Variants in BMPR1B observed in about 807,000 individuals in gnomAD.
The protein encoded by BMPR1B is bone morphogenetic protein receptor type-1B.
A neutral mutation model predicts 59.1 loss-of-function variants in BMPR1B; 12 were observed. The ratio of observed to expected loss-of-function variants is 0.20; its 90% confidence interval spans 0.13 to 0.33. The LOEUF (loss-of-function observed/expected upper bound fraction) is 0.33. Among genes scored for constraint, BMPR1B ranks in the 10% least tolerant of loss-of-function variants. The pLI, the probability that BMPR1B is intolerant of heterozygous loss-of-function variation, is 1.00. For missense variants in BMPR1B, 550 were observed against 610.9 expected (o/e 0.90, Z 1.05); for synonymous variants, 237 against 207.3 (o/e 1.14, Z -1.23).
chr4:94,893,831 G>A (rs769962770), intron 2 of BMPR1B, among the ~76,000 whole-genome samples: 8 of 151,964 alleles, frequency 5.3e-5, no homozygotes, highest in Admixed American at 1.3e-4. Context: ...CCACTGCTGC[G>A]TGGCAGTGTT....
At chr4:94,869,831 A>T (rs1157362641) in intron 1 of BMPR1B, among the ~76,000 whole-genome samples, 1 of 152,190 alleles carries the variant, frequency 6.6e-6, no homozygotes, top group Non-Finnish European at 1.5e-5. Context: ...TTTTCTAAAG[A>T]TGCAAAGCTT....
At chr4:94,969,243 G>T (rs556104828) in intron 2 of BMPR1B, among the ~76,000 whole-genome samples, 3 of 152,104 alleles carry the variant, frequency 2.0e-5, no homozygotes, top group African/African-American at 7.2e-5. Flanking sequence ...CACCATTTTG[G>T]CCAGGATGGT....
chr4:95,067,553 A>G (rs771155436), intron 3 of BMPR1B, among the ~76,000 whole-genome samples: 7 of 152,204 alleles, frequency 4.6e-5, no homozygotes, highest in Non-Finnish European at 1.0e-4. Context: ...CTATGAGAAG[A>G]AGTTTGTTGG....
chr4:95,060,737 C>G (rs1354445801), intron 3 of BMPR1B, among the ~76,000 whole-genome samples: 2 of 152,130 alleles, frequency 1.3e-5, no homozygotes, highest in African/African-American at 2.4e-5. Flanking sequence ...CTGCTCATCC[C>G]CAGTTATATT....
chr4:95,086,007 G>A (rs1729545350), intron 3 of BMPR1B, among the ~76,000 whole-genome samples: 1 of 151,870 alleles, frequency 6.6e-6, no homozygotes, highest in African/African-American at 2.4e-5. Context: ...GTGTGTGTGT[G>A]TGTGTAAAAA....
At chr4:95,115,273 G>A (rs1254766543) in intron 5 of BMPR1B, among the ~76,000 whole-genome samples, 1 of 152,144 alleles carries the variant, frequency 6.6e-6, no homozygotes, top group Non-Finnish European at 1.5e-5. Context: ...ACACATGATT[G>A]TAATTTAGAA....
intron 3 of BMPR1B, among the ~76,000 whole-genome samples, chr4:95,056,659 G>A (rs1008330340): frequency 2.0e-5 from 3 of 152,028 alleles, no homozygotes; most frequent in African/African-American, 7.2e-5. Context: ...TTTAATGGAC[G>A]CTCCTTGTAT....
chr4:95,016,811 G>A (rs969813859), intron 3 of BMPR1B, among the ~76,000 whole-genome samples: 9 of 152,070 alleles, frequency 5.9e-5, no homozygotes, highest in African/African-American at 2.2e-4. Context: ...CCCTTTCCCT[G>A]ACAAGTATAC....
chr4:94,794,400 C>G (rs200038532), intron 1 of BMPR1B, among the ~76,000 whole-genome samples: 14,862 of 151,030 alleles, frequency 0.098, 1,046 homozygotes, highest in East Asian at 0.28. Context: ...GTACCAGTAC[C>G]ATGCTGTTTT....
intron 1 of BMPR1B, among the ~76,000 whole-genome samples, chr4:94,853,654 G>A (rs1023881227): frequency 2.6e-5 from 4 of 151,796 alleles, no homozygotes; most frequent in African/African-American, 7.3e-5. Context: ...AATTTATTTA[G>A]GGGGAGGGGA....
intron 3 of BMPR1B, among the ~76,000 whole-genome samples, chr4:95,072,595 GATATTTTTCATGTAT>G (rs753675250): frequency 2.0e-5 from 3 of 152,074 alleles, no homozygotes; most frequent in Non-Finnish European, 4.4e-5. Flanking sequence ...TCTTCACCAT[GATATTTTTCATGTAT>G]ATTGAAACTA....
intron 2 of BMPR1B, among the ~76,000 whole-genome samples, chr4:94,877,490 G>C (rs1726776290): frequency 6.6e-6 from 1 of 152,258 alleles, no homozygotes; most frequent in African/African-American, 2.4e-5. Context: ...TCGGAAAGCA[G>C]AGAAAACCAC....
intron 8 of BMPR1B, among the ~76,000 whole-genome samples, chr4:95,129,093 C>T (rs566958045): frequency 6.6e-6 from 1 of 152,146 alleles, no homozygotes; most frequent in East Asian, 1.9e-4. Flanking sequence ...GGCAAGAGTT[C>T]CTTCAAAGTA....
At chr4:94,846,434 AC>A (rs1379851037) in intron 1 of BMPR1B, among the ~76,000 whole-genome samples, 2 of 152,158 alleles carry the variant, frequency 1.3e-5, no homozygotes, top group Non-Finnish European at 2.9e-5. Flanking sequence ...AGGCAGACCC[AC>A]CCTTAATCTG....
At chr4:95,134,350 G>T (rs1733610477) in intron 10 of BMPR1B, among the ~76,000 whole-genome samples, 2 of 152,154 alleles carry the variant, frequency 1.3e-5, no homozygotes, top group South Asian at 4.1e-4. Context: ...TGTCTTTATA[G>T]CAGCATGATT....
rs538381026 is a variant in BMPR1B, at chr4:94,936,038, G to A, written c.-112-60002G>A. Among the ~76,000 whole-genome samples, 26 of 152,182 alleles carry A rather than the reference G, an allele frequency of 1.7e-4. No homozygotes were observed. In the East Asian group the frequency reaches 3.3e-3, roughly 19 times the overall value. On this transcript the variant is annotated intron_variant, in intron 2 of 12. Transcript: ENST00000515059. ...GGTTTCACAGTGGTAAAGTCAGTGG[G>A]TGTACTTGAAGTGATGTGCCTTGTA...
chr4:95,055,146 A>G (rs901418414), intron 3 of BMPR1B, among the ~76,000 whole-genome samples: 2 of 152,246 alleles, frequency 1.3e-5, no homozygotes, highest in Non-Finnish European at 2.9e-5. Context: ...CCAAGTCTCC[A>G]TGGTCTGTAC....
At chr4:95,152,163 A>G (rs898080797) in intron 11 of BMPR1B, among the ~76,000 whole-genome samples, 2 of 152,180 alleles carry the variant, frequency 1.3e-5, no homozygotes, top group Non-Finnish European at 2.9e-5. Flanking sequence ...GCAAAACCAC[A>G]TTCCTACAAT....
chr4:95,066,370 G>A (rs1413397699), intron 3 of BMPR1B, among the ~76,000 whole-genome samples: 1 of 152,186 alleles, frequency 6.6e-6, no homozygotes, highest in Non-Finnish European at 1.5e-5. Flanking sequence ...TCAGGGCCAT[G>A]GCCATTACTG....
Sources: gnomAD v4.1 joint callset for allele counts (sites outside exome capture counted in the v4.1 genomes callset) on GRCh38, gnomAD v4.1.1 for gene constraint, MANE v1.5 for transcripts, NCBI Gene and HGNC (gene_info 2026-07-23, HGNC 2026-07-21) for gene names.